The following TLR3 variants were observed in gnomAD, a reference collection of about 807,000 sequenced individuals.
TLR3 encodes the protein toll-like receptor 3.
In TLR3, 43 loss-of-function variants were observed where a neutral mutation model predicts 66.4. The ratio of observed to expected loss-of-function variants is 0.65; its 90% CI spans 0.51 to 0.83. The LOEUF is 0.83. TLR3 is among the 40% of genes least tolerant of loss of function. The pLI, the probability that TLR3 is intolerant of heterozygous loss-of-function variation, is 0.00. For synonymous variants in TLR3, 397 were observed against 397.2 expected, an observed-to-expected ratio of 1.00 and a Z score of 0.01; for missense variants, 982 against 1,044.6, an observed-to-expected ratio of 0.94 and a Z score of 0.83.
chr4:186,079,138 C>A, intron 3 of TLR3, 107 bp downstream of exon 3: 1 of 1,044,468 alleles, frequency 9.6e-7, no homozygotes, highest in Non-Finnish European at 1.4e-6. Flanking sequence ...GCCTGTCTTC[C>A]AGCAATCCTT....
At chr4:186,072,137 C>T (rs1455084826) in intron 1 of TLR3, among the ~76,000 whole-genome samples, 1 of 152,156 alleles carries the variant, frequency 6.6e-6, no homozygotes, top group Non-Finnish European at 1.5e-5. Context: ...GAAAGAGGTT[C>T]AATTGGCTGA....
At chr4:186,074,635 ATTAAC>A (rs1307417571) in intron 1 of TLR3, among the ~76,000 whole-genome samples, 1 of 152,230 alleles carries the variant, frequency 6.6e-6, no homozygotes, top group Non-Finnish European at 1.5e-5. Flanking sequence ...TTCAGTAATA[ATTAAC>A]TTATTATAAC....
In TLR3 at chr4:186,074,504, T is replaced by A. The variant is rs112769913; in HGVS notation, c.-7-2109T>A. ...TTGCAGTACTGGGAGTGGCTCTGGG[T>A]GAGTCTGTGAGTGAGAAGGGAAGTG... is the stretch of plus-strand genomic sequence containing the variant. On this transcript the variant is annotated intron_variant, in intron 1 of 4. Coordinates refer to ENST00000296795, the MANE Select transcript of TLR3 (RefSeq NM_003265.3). 3.5e-4 allele frequency among the ~76,000 whole-genome samples: 53 copies of A among 152,308 alleles called. 2 individuals are homozygous for A. Among genetic ancestry groups the A allele is most frequent in the African/African-American group, 1.3e-3 (53 of 41,582 alleles).
intron 1 of TLR3, among the ~76,000 whole-genome samples, chr4:186,074,552 CTG>C (rs1477459460): frequency 6.6e-6 from 1 of 152,206 alleles, no homozygotes; most frequent in African/African-American, 2.4e-5. Flanking sequence ...TCGGACATGA[CTG>C]TGCACCACTG....
chr4:186,087,807 TAGAA>T lies in TLR3; in HGVS notation c.*2935_*2938del, dbSNP rs761252376. On this transcript the variant is annotated 3_prime_UTR_variant, in exon 5 of 5. Coordinates refer to ENST00000296795, the MANE Select transcript of TLR3 (RefSeq NM_003265.3). ...GTAAAGGGGCTTCAAATCAAGAACT[TAGAA>T]GGAATTTCTTGCAATCTATTGAGAC... The T allele has an allele frequency of 2.0e-5, 3 of 152,098 alleles. No individual in the cohort carries two copies. The highest frequency in any genetic ancestry group is 4.4e-5 in the Non-Finnish European group (3 of 68,020). The allele number at this position is 152,098 out of a possible 1,614,324, so 9.4% of individuals were successfully genotyped here. A position where few individuals can be genotyped will look rare whatever the true frequency, so the allele number is the denominator to read the frequency against.
intron 3 of TLR3, chr4:186,082,096 A>G (rs949681493): frequency 3.5e-5 from 19 of 550,442 alleles, no homozygotes; most frequent in Non-Finnish European, 5.7e-5. Context: ...GTGGTGGCGC[A>G]TGCCTGTAAT....
At chr4:186,072,710 G>T (rs1354639778) in intron 1 of TLR3, among the ~76,000 whole-genome samples, 1 of 152,176 alleles carries the variant, frequency 6.6e-6, no homozygotes, top group Non-Finnish European at 1.5e-5. Flanking sequence ...TGAGAACTCT[G>T]CCCCATGAGC....
rs187629831 is a variant in TLR3 at position 186,081,238 on chromosome 4, C to T, written c.634-1082C>T. Among the ~76,000 whole-genome samples, 10 of 150,174 alleles carry T rather than the reference C, an allele frequency of 6.7e-5. No individual in the cohort carries two copies. The East Asian group carries it at 1.0e-3, about 15-fold the overall frequency. ...GAGCTGAGATCGCACCACTGCACTC[C>T]ACCCTGGGGGACAGAGCGAAACTCT... On this transcript the variant is annotated intron_variant, in intron 3 of 4. Transcript: ENST00000296795.
intron 2 of TLR3, among the ~76,000 whole-genome samples, 164 bp from the exon 3 acceptor site, chr4:186,078,676 T>A (rs2099302880): frequency 1.3e-5 from 2 of 152,328 alleles, no homozygotes; most frequent in Middle Eastern, 3.4e-3. Context: ...GTAACAAAGA[T>A]TAATCAGATC....
intron 3 of TLR3, among the ~76,000 whole-genome samples, chr4:186,080,768 T>A (rs543312527): frequency 5.3e-5 from 8 of 151,902 alleles, no homozygotes; most frequent in South Asian, 2.1e-4. Context: ...ATTTTTGGAT[T>A]TTTAGTAGAG....
At chr4:186,078,560 G>A (rs528252315) in intron 2 of TLR3, among the ~76,000 whole-genome samples, 1 of 152,214 alleles carries the variant, frequency 6.6e-6, no homozygotes, top group South Asian at 2.1e-4. Context: ...TCATAAATAA[G>A]CTTAAGTCTT....
In TLR3 at chr4:186,087,689, C is replaced by T. The variant is rs1464719193; in HGVS notation, c.*2816C>T. The T allele has an allele frequency of 2.0e-5, 3 of 152,110 alleles. No homozygotes were observed. The highest frequency in any genetic ancestry group is 2.9e-5 in the Non-Finnish European group (2 of 68,020). The allele number at this position is 152,110 out of a possible 1,614,324, so 9.4% of individuals were successfully genotyped here. ...TGTTAGTGAGGAGGGGAGGAGTTTT[C>T]GATGCCACTTAGTTTACAATGTCTA... On this transcript the variant is annotated 3_prime_UTR_variant, in exon 5 of 5. Transcript: ENST00000296795.
At chr4:186,077,171 TTTGCCACAAATA>T in intron 2 of TLR3, 111 bp downstream of exon 2, 1 of 1,170,022 alleles carries the variant, frequency 8.5e-7, no homozygotes, top group East Asian at 2.6e-5. Flanking sequence ...TCTAATCCAA[TTTGCCACAAATA>T]TTGCCATTAT....
At chr4:186,069,668 G>A (rs1452404149) in intron 1 of TLR3, among the ~76,000 whole-genome samples, 2 of 152,192 alleles carry the variant, frequency 1.3e-5, no homozygotes, top group African/African-American at 2.4e-5. Flanking sequence ...ATTGGCTGGA[G>A]GGGAGACAGG....
chr4:186,082,129 G>A lies in TLR3; in HGVS notation c.634-191G>A, dbSNP rs1447579738. The A allele has an allele frequency of 1.2e-5, 7 of 596,332 alleles. No individual in the cohort carries two copies. The Admixed American group carries it at 2.2e-4, about 19-fold the overall frequency. The allele number at this position is 596,332 out of a possible 1,614,324, so 36.9% of individuals were successfully genotyped here. A position where few individuals can be genotyped will look rare whatever the true frequency, so the allele number is the denominator to read the frequency against. The stretch of plus-strand genomic sequence containing the variant: ...AATCCCAGCTACTCGGGAGGCTGAG[G>A]CAGGAGAATTGCTTGAACTGAGGAG... On this transcript the variant is annotated intron_variant, in intron 3 of 4. Coordinates refer to ENST00000296795, the MANE Select transcript of TLR3 (RefSeq NM_003265.3).
intron 1 of TLR3, among the ~76,000 whole-genome samples, chr4:186,074,434 AG>A (rs2099302064): frequency 6.6e-6 from 1 of 152,228 alleles, no homozygotes. Flanking sequence ...GTGGTACAAA[AG>A]GTTACAAATG....
At position 186,083,866 on chromosome 4, in the gene TLR3, G is replaced by C. The variant is rs377509605; in HGVS notation, c.2180G>C (p.Gly727Ala). The change falls in exon 4 of 5, where the codon GGC (glycine) becomes GCC (alanine). Residue 727 changes from glycine to alanine, a missense_variant. Coordinates refer to ENST00000296795, the MANE Select transcript of TLR3 (RefSeq NM_003265.3). This position sits in a 1 kb window ranked among gnomAD's most constrained non-coding sequence, Gnocchi z 4.0. The stretch of plus-strand genomic sequence containing the variant: ...ATTGTACTTCTCATCCACTTTGAGG[G>C]CTGGAGGATATCTTTTTATTGGAAT... Reference protein sequence around the residue: ...IFIVLLIHFEGWRISFYWNVS... With the variant: ...IFIVLLIHFEAWRISFYWNVS... 1.2e-6 allele frequency: 2 copies of C among 1,614,032 alleles called. No individual in the cohort carries two copies. The highest frequency in any genetic ancestry group is 2.7e-5 in the African/African-American group (2 of 74,894).
chr4:186,077,881 G>A (rs1031292953), intron 2 of TLR3, among the ~76,000 whole-genome samples: 1 of 151,408 alleles, frequency 6.6e-6, no homozygotes, highest in Non-Finnish European at 1.5e-5. Context: ...CAATTATTAA[G>A]TGCTTTTCTT....
intron 1 of TLR3, among the ~76,000 whole-genome samples, chr4:186,072,321 G>T (rs1579724537): frequency 6.6e-6 from 1 of 152,026 alleles, no homozygotes; most frequent in South Asian, 2.1e-4. Context: ...ATTTATTTTG[G>T]GGGGAGTGGG....
Sources: allele counts gnomAD v4.1 joint callset (sites outside exome capture counted in the v4.1 genomes callset), GRCh38; gene constraint gnomAD v4.1.1; non-coding constraint Gnocchi (gnomAD v3.1); transcripts MANE v1.5; gene names NCBI Gene and HGNC (gene_info 2026-07-23, HGNC 2026-07-21).